Variants in RANBP2 observed in about 807,000 individuals in gnomAD.
The protein encoded by RANBP2 is RAN binding protein 2.
A neutral mutation model predicts 303.6 loss-of-function variants in RANBP2; 57 were observed. The ratio of observed to expected loss-of-function variants is 0.19; its 90% CI spans 0.15 to 0.23. RANBP2 has a LOEUF of 0.23. RANBP2 is among the 10% of genes least tolerant of loss of function. The pLI, the probability that RANBP2 is intolerant of heterozygous loss-of-function variation, is 1.00. For missense variants in RANBP2, 3,138 were observed against 3,780.8 expected, an observed-to-expected ratio of 0.83 and a Z score of 4.46; for synonymous variants, 1,167 against 1,301.5, an observed-to-expected ratio of 0.90 and a Z score of 2.23.
the RANBP2 span, among the ~76,000 whole-genome samples, chr2:109,366,551 A>G: frequency 6.6e-6 from 1 of 152,220 alleles, no homozygotes; most frequent in African/African-American, 2.4e-5. Context: ...CTCTAAGGCT[A>G]TATAAGAAGC....
chr2:109,356,924 A>G, the RANBP2 span, among the ~76,000 whole-genome samples: 1 of 152,120 alleles, frequency 6.6e-6, no homozygotes, highest in African/African-American at 2.4e-5. Flanking sequence ...CTGGCTTGCC[A>G]TGACTCGGTT....
chr2:108,766,040 G>A lies in RANBP2; in HGVS notation c.5501G>A (p.Gly1834Glu). The A allele has an allele frequency of 6.2e-7, 1 of 1,614,156 alleles. No individual in the cohort carries two copies. The highest frequency in any genetic ancestry group is 1.1e-5 in the South Asian group (1 of 91,088). ...GAAATGAAGTTGCATGACTCTTCTGGAAGTCAGGTGGGAACAGGATTTAAA... is the reference window on the plus strand; with the variant it reads ...GAAATGAAGTTGCATGACTCTTCTGAAAGTCAGGTGGGAACAGGATTTAAA... ...GSEMKLHDSS[G>E]SQVGTGFKSN... The change falls in exon 20 of 29, where the codon GGA (glycine) becomes GAA (glutamate). Residue 1834 changes from glycine to glutamate, a missense_variant. Gly to Glu is a moderately conservative substitution (Grantham distance 98). Around this residue, in one of 20 missense-constraint regions of RANBP2, gnomAD observed 348 missense variants for 360.4 expected, o/e 0.97. Transcript: ENST00000283195.
chr2:108,744,616 CATG>C (rs1174669657), intron 7 of RANBP2, among the ~76,000 whole-genome samples: 1 of 152,164 alleles, frequency 6.6e-6, no homozygotes, highest in African/African-American at 2.4e-5. Context: ...AGGGCTTTGA[CATG>C]ATGTTTAGAA....
At chr2:109,246,781 C>T in the RANBP2 span, among the ~76,000 whole-genome samples, 5 of 152,214 alleles carry the variant, frequency 3.3e-5, no homozygotes, top group Non-Finnish European at 5.9e-5. Context: ...TGGAGAGCCT[C>T]GCTTGCTCTG....
chr2:109,184,059 C>T, the RANBP2 span, among the ~76,000 whole-genome samples: 1 of 152,186 alleles, frequency 6.6e-6, no homozygotes, highest in Non-Finnish European at 1.5e-5. Flanking sequence ...CAGGGTATCA[C>T]GATCTCTCTG....
chr2:108,725,181 T>G (rs1361170672), intron 1 of RANBP2, among the ~76,000 whole-genome samples: 2 of 152,180 alleles, frequency 1.3e-5, no homozygotes, highest in Non-Finnish European at 2.9e-5. Flanking sequence ...TCTGCTGTCA[T>G]GTAAAGAAGT....
chr2:108,838,619 A>G, the RANBP2 span, among the ~76,000 whole-genome samples: 1 of 152,198 alleles, frequency 6.6e-6, no homozygotes, highest in Non-Finnish European at 1.5e-5. Context: ...AGCAAAATTC[A>G]TAGACATCCT....
the RANBP2 span, among the ~76,000 whole-genome samples, chr2:109,179,964 CA>C: frequency 5.9e-5 from 3 of 50,786 alleles, no homozygotes; most frequent in Admixed American, 5.0e-4. Flanking sequence ...CATTTGGACC[CA>C]AAGGTGTTCT....
the RANBP2 span, among the ~76,000 whole-genome samples, chr2:109,292,896 C>T: frequency 7.2e-5 from 11 of 152,262 alleles, no homozygotes; most frequent in African/African-American, 2.6e-4. Context: ...GCATGCCTGG[C>T]TAATTTTGTA....
chr2:109,432,920 G>T, the RANBP2 span, among the ~76,000 whole-genome samples: 1 of 152,268 alleles, frequency 6.6e-6, no homozygotes, highest in East Asian at 1.9e-4. Flanking sequence ...GGATCAGGAG[G>T]AGCAGGGACA....
the RANBP2 span, among the ~76,000 whole-genome samples, chr2:108,968,414 C>T: frequency 8.5e-5 from 13 of 152,058 alleles, no homozygotes. Flanking sequence ...GTTTTGCAAA[C>T]CAGGGATGTA....
chr2:109,571,074 G>C, the RANBP2 span, among the ~76,000 whole-genome samples: 3 of 152,168 alleles, frequency 2.0e-5, no homozygotes, highest in East Asian at 5.8e-4. Flanking sequence ...TTGTTTAAAA[G>C]TGTGTAGCAC....
the RANBP2 span, among the ~76,000 whole-genome samples, chr2:109,043,348 T>C: frequency 6.8e-6 from 1 of 146,148 alleles, no homozygotes; most frequent in African/African-American, 2.5e-5. Context: ...TAACATGAAC[T>C]TTTTTTTTTT....
chr2:109,542,072 C>T, the RANBP2 span, among the ~76,000 whole-genome samples: 1 of 152,200 alleles, frequency 6.6e-6, no homozygotes, highest in Admixed American at 6.5e-5. Flanking sequence ...TAGTTAGAGA[C>T]AACTGTTTCA....
the RANBP2 span, among the ~76,000 whole-genome samples, chr2:108,899,831 CAAAA>C: frequency 6.6e-6 from 1 of 151,942 alleles, no homozygotes; most frequent in African/African-American, 2.4e-5. Flanking sequence ...ACTAAAAACA[CAAAA>C]AACACATTGG....
At chr2:109,472,763 G>A in the RANBP2 span, among the ~76,000 whole-genome samples, 2 of 152,154 alleles carry the variant, frequency 1.3e-5, no homozygotes, top group Admixed American at 6.5e-5. Flanking sequence ...AATAATTTAT[G>A]GCTGTGTTGT....
the RANBP2 span, among the ~76,000 whole-genome samples, chr2:109,646,839 G>A: frequency 6.6e-6 from 1 of 151,902 alleles, no homozygotes; most frequent in Non-Finnish European, 1.5e-5. Context: ...AAATATTGTT[G>A]GAAGGGTTTG....
the RANBP2 span, among the ~76,000 whole-genome samples, chr2:109,116,372 T>A: frequency 1.3e-5 from 2 of 152,238 alleles, no homozygotes; most frequent in Non-Finnish European, 2.9e-5. Flanking sequence ...TCACTTCATT[T>A]CATTCATTTC....
intron 18 of RANBP2, among the ~76,000 whole-genome samples, chr2:108,760,564 C>T (rs529119050): frequency 6.6e-6 from 1 of 152,242 alleles, no homozygotes; most frequent in South Asian, 2.1e-4. Flanking sequence ...GTGCCATTTT[C>T]GCACTTTGCT....
Sources: gnomAD v4.1 joint callset for allele counts (sites outside exome capture counted in the v4.1 genomes callset) on GRCh38, gnomAD v4.1.1 for gene constraint, gnomAD v4.1.1 regional missense constraint, MANE v1.5 for transcripts, NCBI Gene and HGNC (gene_info 2026-07-23, HGNC 2026-07-21) for gene names.